NOD2: variants seen among roughly 807,000 people sequenced by gnomAD.
The protein encoded by NOD2 is nucleotide-binding oligomerization domain-containing protein 2.
In NOD2, 86 loss-of-function variants were observed where a neutral mutation model predicts 90.9. The observed-to-expected ratio is 0.95, with a 90% CI of 0.79 to 1.13. The LOEUF is 1.13. NOD2 is among the 50% of genes most tolerant of loss of function. NOD2 has a pLI of 0.00. For synonymous variants in NOD2, 581 were observed against 554.6 expected (o/e 1.05, Z -0.67); for missense variants, 1,238 against 1,283.8 (o/e 0.96, Z 0.55).
Position 50,719,905 on chromosome 16 carries a change from TC to T in NOD2, c.2550-18del. 1 of 1,611,456 alleles carries T rather than the reference TC, an allele frequency of 6.2e-7. No individual in the cohort carries two copies. Among genetic ancestry groups the T allele is most frequent in the Admixed American group, 1.7e-5 (1 of 60,032 alleles). On this transcript the variant is annotated intron_variant, in intron 6 of 11. Coordinates refer to ENST00000647318, the MANE Select transcript of NOD2 (RefSeq NM_001370466.1). ...TGCCTGCCGCTGTGTTCTCTCAGCCTCCTCTGTCTTCCCTTCCAGGCTGGGG... is the reference window on the plus strand; with the variant it reads ...TGCCTGCCGCTGTGTTCTCTCAGCCTCTCTGTCTTCCCTTCCAGGCTGGGG...
In NOD2 at chr16:50,711,441, T is replaced by C. The variant is rs1964495086; in HGVS notation, c.1449T>C (p.Thr483=). ...LLQEGGSPKT[T]TDMYLLILQH... is the part of the protein sequence containing the mutation. ...AGGAGGGGGGGTCCCCAAAGACCACTACAGATATGTACCTGCTGATTCTGC... is the reference window on the plus strand; with the variant it reads ...AGGAGGGGGGGTCCCCAAAGACCACCACAGATATGTACCTGCTGATTCTGC... Residue 483 remains threonine (T), a synonymous_variant, in exon 4 of 12, where the codon ACT becomes ACC. Coordinates refer to ENST00000647318, the MANE Select transcript of NOD2 (RefSeq NM_001370466.1). 1.9e-6 allele frequency: 3 copies of C among 1,613,390 alleles called. No individual in the cohort carries two copies. Among genetic ancestry groups the C allele is most frequent in the African/African-American group, 1.3e-5 (1 of 74,914 alleles).
At chr16:50,710,129 CT>C in intron 3 of NOD2, 1 of 422,608 alleles carries the variant, frequency 2.4e-6, no homozygotes, top group Non-Finnish European at 4.7e-6. Flanking sequence ...CACCCGGCCA[CT>C]ATGGCAGGAC....
At chr16:50,718,013 G>A (rs1964876330) in intron 6 of NOD2, among the ~76,000 whole-genome samples, 1 of 152,246 alleles carries the variant, frequency 6.6e-6, no homozygotes, top group Non-Finnish European at 1.5e-5. Context: ...GGCACAGTAA[G>A]AGAGTAATAG....
At chr16:50,722,085 A>G (rs1299978128) in intron 7 of NOD2, among the ~76,000 whole-genome samples, 1 of 152,170 alleles carries the variant, frequency 6.6e-6, no homozygotes, top group Non-Finnish European at 1.5e-5. Context: ...TACCTTTTGG[A>G]AAGGGATGTT....
intron 7 of NOD2, 75 bp downstream of exon 7, chr16:50,720,083 T>A: frequency 7.2e-7 from 1 of 1,398,402 alleles, no homozygotes; most frequent in Non-Finnish European, 1.0e-6. Context: ...CAGGTGAAAC[T>A]CTTCAGCCAG....
chr16:50,727,729 G>T lies in NOD2; in HGVS notation c.2886-2089G>T, dbSNP rs115809446. 6.0e-3 allele frequency: 2,144 copies of T among 355,432 alleles called. 43 individuals carry two copies. Among genetic ancestry groups the T allele is most frequent in the African/African-American group, 0.042 (1,987 of 47,180 alleles). 22.0% of individuals were successfully genotyped at this position (355,432 alleles called of 1,614,324 possible). A position where few individuals can be genotyped will look rare whatever the true frequency, so the allele number is the denominator to read the frequency against. On this transcript the variant is annotated intron_variant, in intron 10 of 11. Transcript: ENST00000647318. ...GTGTGACATGCAGTCGGGTGTTGTC[G>T]TGGAGAATTGGACCCTTTCTGTTGA...
chr16:50,713,775 T>C (rs897636072), intron 4 of NOD2, among the ~76,000 whole-genome samples: 2 of 152,232 alleles, frequency 1.3e-5, no homozygotes, highest in African/African-American at 4.8e-5. Context: ...CCTGAGCTTC[T>C]GCAAAGTGGA....
rs765494080 is a variant in NOD2, at chr16:50,731,824, TC to T, written c.*7del. ...GACACCAGACTCTTGCTTTGAAGTC[TC>T]CGGGAGGATGTTCGTCTCAGTTTGT... On this transcript the variant is annotated 3_prime_UTR_variant, in exon 12 of 12. Coordinates refer to ENST00000647318, the MANE Select transcript of NOD2 (RefSeq NM_001370466.1). 3 of 1,610,354 alleles carry T rather than the reference TC, an allele frequency of 1.9e-6. No homozygotes were observed. Among genetic ancestry groups the T allele is most frequent in the Non-Finnish European group, 2.5e-6 (3 of 1,176,698 alleles).
Position 50,723,357 on chromosome 16 carries a change from C to G in NOD2, c.2774C>G (p.Ala925Gly). The change falls in exon 9 of 12, where the codon GCA becomes GGA. Residue 925 changes from alanine (A) to glycine (G), a missense_variant. Ala to Gly is a moderately conservative substitution (Grantham distance 60). Around this residue, in one of 3 missense-constraint regions of NOD2, gnomAD observed 667 missense variants for 688.7 expected, o/e 0.97. Transcript: ENST00000647318. Reference protein sequence around the residue: ...VGAQALALMLAKNVMLEELCL... With the variant: ...VGAQALALMLGKNVMLEELCL... Reference sequence around the variant, plus strand: ...GCCCAAGCCTTGGCACTGATGCTGGCAAAGAACGTCATGCTAGAAGAACTC... The same window carrying G: ...GCCCAAGCCTTGGCACTGATGCTGGGAAAGAACGTCATGCTAGAAGAACTC... 1.2e-6 allele frequency: 2 copies of G among 1,613,886 alleles called. No individual in the cohort carries two copies. Among genetic ancestry groups the G allele is most frequent in the Middle Eastern group, 3.3e-4 (2 of 6,062 alleles).
Position 50,707,995 on chromosome 16 carries a change from G to A in NOD2, c.565+35G>A, listed in dbSNP as rs757716822. 7.7e-6 allele frequency: 11 copies of A among 1,425,466 alleles called. No individual in the cohort carries two copies. The South Asian group carries it at 1.3e-4, about 16-fold the overall frequency. 88.3% of individuals were successfully genotyped at this position (1,425,466 alleles called of 1,614,324 possible). Reference sequence around the variant, plus strand: ...TGTTCTCAGTTAATCAGAAAGGGAAGGGCAGTCAGTGCAGATCCATGGTTA... The same window carrying A: ...TGTTCTCAGTTAATCAGAAAGGGAAAGGCAGTCAGTGCAGATCCATGGTTA... On this transcript the variant is annotated intron_variant, in intron 3 of 11. Coordinates refer to ENST00000647318, the MANE Select transcript of NOD2 (RefSeq NM_001370466.1).
At chr16:50,710,390 T>G (rs149340820) in intron 3 of NOD2, among the ~76,000 whole-genome samples, 168 bp from the exon 4 acceptor site, 2 of 152,222 alleles carry the variant, frequency 1.3e-5, no homozygotes, top group Non-Finnish European at 2.9e-5. Flanking sequence ...GAAGTTTCCT[T>G]GACTGTCCTC....
intron 7 of NOD2, among the ~76,000 whole-genome samples, chr16:50,721,070 G>A (rs1965034411): frequency 6.6e-6 from 1 of 151,974 alleles, no homozygotes; most frequent in Non-Finnish European, 1.5e-5. Flanking sequence ...CTCCCAAAGT[G>A]CTGGGATTAC....
In NOD2 at chr16:50,710,564, C is replaced by T. The variant is rs1964416023; in HGVS notation, c.572C>T (p.Thr191Ile). 3 of 1,614,236 alleles carry T rather than the reference C, an allele frequency of 1.9e-6. No homozygotes were observed. Among genetic ancestry groups the T allele is most frequent in the Non-Finnish European group, 2.5e-6 (3 of 1,180,048 alleles). The part of the protein sequence containing the change: ...VPLALPLEAA[T>I]CKKYMAKLRT... ...CTCTTCTTCTGCCTTCCAGCTGCCA[C>T]ATGCAAGAAGTATATGGCCAAGCTG... Residue 191 changes from threonine to isoleucine, a missense_variant, in exon 4 of 12, where the codon ACA (threonine) becomes ATA (isoleucine). Thr to Ile is a moderately conservative substitution (Grantham distance 89, BLOSUM62 -1). This residue lies in a region of NOD2 where 567 missense variants were observed against 577.3 expected (regional missense o/e 0.98). Coordinates refer to ENST00000647318, the MANE Select transcript of NOD2 (RefSeq NM_001370466.1).
chr16:50,701,932 GTTTA>G (rs748036541), intron 2 of NOD2, among the ~76,000 whole-genome samples: 5 of 152,168 alleles, frequency 3.3e-5, no homozygotes, highest in South Asian at 2.1e-4. Flanking sequence ...GAAGGCATTT[GTTTA>G]TTTATTTGTT....
rs551753687 is a variant in NOD2, at chr16:50,710,477, C to G, written c.566-81C>G. 5 of 1,589,460 alleles carry G rather than the reference C, an allele frequency of 3.1e-6. No individual in the cohort carries two copies. In the African/African-American group the frequency reaches 4.0e-5, roughly 13 times the overall value. On this transcript the variant is annotated intron_variant, in intron 3 of 11. Transcript: ENST00000647318. ...CCTATCCCTTCAGTTATGTCAGCGT[C>G]CCCCGCAGCAGCCCATTGTCTGGTT...
Position 50,710,872 on chromosome 16 carries a change from G to T in NOD2, c.880G>T (p.Asp294Tyr), listed in dbSNP as rs1453630477. ...GCACTTGCTGTGGGCTGCAGGGCAA[G>T]ACTTCCAGGAATTTCTCTTTGTCTT... is the stretch of plus-strand genomic sequence containing the variant. The part of the protein sequence containing the change: ...RLHLLWAAGQ[D>Y]FQEFLFVFPF... Residue 294 changes from aspartate to tyrosine, a missense_variant, in exon 4 of 12, where the codon GAC becomes TAC. Transcript: ENST00000647318. The T allele has an allele frequency of 1.2e-6, 2 of 1,613,998 alleles. No individual in the cohort carries two copies. Among genetic ancestry groups the T allele is most frequent in the Non-Finnish European group, 1.7e-6 (2 of 1,180,042 alleles).
intron 1 of NOD2, chr16:50,697,783 C>A: frequency 3.9e-6 from 1 of 255,372 alleles, no homozygotes; most frequent in Non-Finnish European, 7.9e-6. Context: ...CTGACCAGCA[C>A]AGGGCCCCCT....
intron 4 of NOD2, among the ~76,000 whole-genome samples, chr16:50,713,784 G>C (rs944576302): frequency 6.6e-6 from 1 of 152,128 alleles, no homozygotes; most frequent in African/African-American, 2.4e-5. Flanking sequence ...CTGCAAAGTG[G>C]AAGAATACCG....
At chr16:50,721,174 T>A (rs1965039408) in intron 7 of NOD2, among the ~76,000 whole-genome samples, 1 of 151,742 alleles carries the variant, frequency 6.6e-6, no homozygotes, top group South Asian at 2.1e-4. Context: ...CACACTGCAT[T>A]AGTAGCAACA....
Sources: allele counts gnomAD v4.1 joint callset (sites outside exome capture counted in the v4.1 genomes callset), GRCh38; gene constraint gnomAD v4.1.1; regional missense constraint gnomAD v4.1.1; transcripts MANE v1.5; gene names NCBI Gene and HGNC (gene_info 2026-07-23, HGNC 2026-07-21).